Variants in LINGO2 observed in about 807,000 individuals in gnomAD.
LINGO2 encodes the protein leucine-rich repeat and immunoglobulin-like domain-containing nogo receptor-interacting protein 2.
Under a neutral mutation model 30.6 loss-of-function variants are expected in LINGO2, and 14 were observed. That is an observed-to-expected ratio of 0.46 (90% confidence interval 0.30 to 0.72). The LOEUF (loss-of-function observed/expected upper bound fraction) is 0.72. Ranked by LOEUF, LINGO2 falls within the 30% of genes least tolerant of loss-of-function variation. The pLI, the probability that LINGO2 is intolerant of heterozygous loss-of-function variation, is 0.07. For synonymous variants in LINGO2, 317 were observed against 288.5 expected, an observed-to-expected ratio of 1.10 and a Z score of -1.00; for missense variants, 729 against 751.7, an observed-to-expected ratio of 0.97 and a Z score of 0.35.
intron 4 of LINGO2, among the ~76,000 whole-genome samples, chr9:28,164,700 T>G (rs760914280): frequency 1.3e-5 from 2 of 152,202 alleles, no homozygotes; most frequent in African/African-American, 4.8e-5. Context: ...GTCTGCTTTA[T>G]GCCTTTGAGC....
chr9:28,765,104 C>A, the LINGO2 span, among the ~76,000 whole-genome samples: 1 of 151,840 alleles, frequency 6.6e-6, no homozygotes, highest in African/African-American at 2.4e-5. Context: ...CAATCCTTAT[C>A]AAATTTTAAT....
intron 2 of LINGO2, among the ~76,000 whole-genome samples, chr9:28,467,042 G>A (rs1046815370): frequency 1.3e-5 from 2 of 150,190 alleles, no homozygotes; most frequent in African/African-American, 2.4e-5. Context: ...TTTTGGGGGG[G>A]GGGGACGGAG....
At chr9:29,114,870 C>T in the LINGO2 span, among the ~76,000 whole-genome samples, 2 of 152,018 alleles carry the variant, frequency 1.3e-5, no homozygotes, top group Non-Finnish European at 2.9e-5. Flanking sequence ...TTCCAGGACA[C>T]TCAGTTCTTT....
chr9:28,935,285 C>T, the LINGO2 span, among the ~76,000 whole-genome samples: 5 of 151,994 alleles, frequency 3.3e-5, no homozygotes, highest in African/African-American at 9.7e-5. Flanking sequence ...GCCTCTTTTT[C>T]TTTAAAATTC....
rs144198649 is a variant in LINGO2, at chr9:28,162,601, T to G, written c.-87+132607A>C. Among the ~76,000 whole-genome samples, 360 of 152,304 alleles carry G rather than the reference T, an allele frequency of 2.4e-3. 2 individuals carry two copies. Among genetic ancestry groups the G allele is most frequent in the African/African-American group, 8.1e-3 (338 of 41,592 alleles). On this transcript the variant is annotated intron_variant, in intron 4 of 5. Coordinates refer to ENST00000379992, the Ensembl canonical transcript of LINGO2. ...AGCTATTCTACTACATTGATAACTTTAATATAAAAGGTAATAATTTACTTA... is the reference window on the plus strand; with the variant it reads ...AGCTATTCTACTACATTGATAACTTGAATATAAAAGGTAATAATTTACTTA...
chr9:28,184,276 CTCTTTCGTT>C (rs894674491), intron 4 of LINGO2, among the ~76,000 whole-genome samples: 48 of 152,148 alleles, frequency 3.2e-4, no homozygotes, highest in African/African-American at 1.0e-3. Flanking sequence ...AGCTACTACC[CTCTTTCGTT>C]TCTTTTGAAA....
In LINGO2 at chr9:28,355,174, A is replaced by AT. The variant is rs559712874; in HGVS notation, c.-246+17661dup. 1.4e-3 allele frequency among the ~76,000 whole-genome samples: 211 copies of AT among 151,288 alleles called. 1 individual carries two copies. The highest frequency in any genetic ancestry group is 4.9e-3 in the African/African-American group (203 of 41,196). The stretch of plus-strand genomic sequence containing the variant: ...TTCTACTTACCTGTCTTAACCATCT[A>AT]TTTTTTTTCTTCATTGCCCCAGGTT... On this transcript the variant is annotated intron_variant, in intron 3 of 5. Transcript: ENST00000379992.
At chr9:29,104,251 C>T in the LINGO2 span, among the ~76,000 whole-genome samples, 1 of 152,020 alleles carries the variant, frequency 6.6e-6, no homozygotes, top group Admixed American at 6.5e-5. Context: ...GGGGAAGGGA[C>T]CTGTTGGGAG....
chr9:28,102,919 A>C (rs1013302986), intron 4 of LINGO2, among the ~76,000 whole-genome samples: 2 of 152,180 alleles, frequency 1.3e-5, no homozygotes, highest in Non-Finnish European at 2.9e-5. Context: ...CTGCAGAACT[A>C]GTATATTTCA....
intron 1 of LINGO2, among the ~76,000 whole-genome samples, chr9:28,549,565 G>A (rs1436356000): frequency 6.6e-6 from 1 of 151,902 alleles, no homozygotes; most frequent in African/African-American, 2.4e-5. Flanking sequence ...CCAGTTTACA[G>A]TTGCAGTAGC....
chr9:28,345,140 T>C (rs886893089), intron 3 of LINGO2, among the ~76,000 whole-genome samples: 2 of 151,916 alleles, frequency 1.3e-5, no homozygotes, highest in African/African-American at 2.4e-5. Context: ...GAATAGGGAA[T>C]GAGGGTGGCT....
At chr9:28,309,662 T>C (rs1824529408) in intron 3 of LINGO2, among the ~76,000 whole-genome samples, 1 of 151,982 alleles carries the variant, frequency 6.6e-6, no homozygotes, top group Non-Finnish European at 1.5e-5. Context: ...AAAAAATTGA[T>C]AAATTTGATT....
chr9:28,245,683 C>G (rs568411866), intron 4 of LINGO2, among the ~76,000 whole-genome samples: 7 of 152,162 alleles, frequency 4.6e-5, no homozygotes, highest in Non-Finnish European at 1.0e-4. Flanking sequence ...TCAATGAACT[C>G]CCATTCACAA....
At chr9:28,370,120 T>C (rs1820836525) in intron 3 of LINGO2, among the ~76,000 whole-genome samples, 1 of 152,144 alleles carries the variant, frequency 6.6e-6, no homozygotes, top group South Asian at 2.1e-4. Context: ...TTAGTTTTCT[T>C]ATTCCTAATC....
intron 4 of LINGO2, among the ~76,000 whole-genome samples, chr9:28,231,476 A>G (rs1163640236): frequency 6.6e-6 from 1 of 152,076 alleles, no homozygotes; most frequent in Non-Finnish European, 1.5e-5. Flanking sequence ...TTAATTTTTT[A>G]AAAGGAAGTA....
At chr9:28,519,158 G>A (rs1820737017) in intron 1 of LINGO2, among the ~76,000 whole-genome samples, 1 of 151,958 alleles carries the variant, frequency 6.6e-6, no homozygotes. Context: ...TCAGCCTCCA[G>A]AGTAGCTGGG....
At chr9:28,833,661 G>T in the LINGO2 span, among the ~76,000 whole-genome samples, 8 of 152,248 alleles carry the variant, frequency 5.3e-5, no homozygotes, top group South Asian at 6.2e-4. Context: ...AACATTCACA[G>T]CCTGTGTTAT....
At chr9:28,025,224 C>T (rs1382420598) in intron 4 of LINGO2, among the ~76,000 whole-genome samples, 1 of 152,124 alleles carries the variant, frequency 6.6e-6, no homozygotes, top group Non-Finnish European at 1.5e-5. Context: ...TATTACATCC[C>T]AAAGTTTCTG....
chr9:28,760,064 T>C, the LINGO2 span, among the ~76,000 whole-genome samples: 1 of 152,102 alleles, frequency 6.6e-6, no homozygotes, highest in Admixed American at 6.5e-5. Context: ...AATAAAATAT[T>C]ATAAATGTTC....
Sources: allele counts gnomAD v4.1 joint callset (sites outside exome capture counted in the v4.1 genomes callset), GRCh38; gene constraint gnomAD v4.1.1; transcripts MANE v1.5; gene names NCBI Gene and HGNC (gene_info 2026-07-23, HGNC 2026-07-21).